The following ABCA13 variants were observed in gnomAD, a reference collection of about 807,000 sequenced individuals.
ABCA13 encodes ATP-binding cassette sub-family A member 13.
A neutral mutation model predicts 478.7 loss-of-function variants in ABCA13; 476 were observed. That is an observed-to-expected ratio of 0.99 (90% CI 0.92 to 1.07). The LOEUF is 1.07. ABCA13 is among the 50% of genes least tolerant of loss of function. The pLI, the probability that ABCA13 is intolerant of heterozygous loss-of-function variation, is 0.00. For missense variants in ABCA13, 6,060 were observed against 5,910.6 expected, an observed-to-expected ratio of 1.03 and a Z score of -0.83; for synonymous variants, 2,252 against 2,158.9, an observed-to-expected ratio of 1.04 and a Z score of -1.20.
intron 59 of ABCA13, among the ~76,000 whole-genome samples, chr7:48,624,099 T>G (rs981369726): frequency 8.7e-5 from 13 of 149,672 alleles, no homozygotes; most frequent in African/African-American, 2.7e-4. Flanking sequence ...TGTGTGTGTG[T>G]GGCTCAGTTA....
chr7:48,266,537 T>A (rs945607133), intron 15 of ABCA13, among the ~76,000 whole-genome samples: 2 of 151,832 alleles, frequency 1.3e-5, no homozygotes, highest in South Asian at 2.1e-4. Flanking sequence ...TTGTATAGAA[T>A]CAGTGGTAAT....
intron 59 of ABCA13, among the ~76,000 whole-genome samples, chr7:48,622,326 C>T (rs1275649315): frequency 6.6e-6 from 1 of 152,142 alleles, no homozygotes; most frequent in Non-Finnish European, 1.5e-5. Flanking sequence ...CTAGCCTGGA[C>T]CCAGTTTACA....
intron 42 of ABCA13, among the ~76,000 whole-genome samples, chr7:48,442,504 T>C (rs1431218392): frequency 1.3e-5 from 2 of 152,190 alleles, no homozygotes; most frequent in Non-Finnish European, 2.9e-5. Flanking sequence ...ATAATTTTTA[T>C]TTTTTGAAAA....
chr7:48,235,527 T>G (rs12154357), intron 8 of ABCA13, among the ~76,000 whole-genome samples: 14,204 of 152,230 alleles, frequency 0.093, 771 homozygotes, highest in South Asian at 0.17. Context: ...TGTAGCAAGT[T>G]ACCCCCAACA....
At chr7:48,539,072 C>T (rs1833789813) in intron 55 of ABCA13, among the ~76,000 whole-genome samples, 1 of 152,150 alleles carries the variant, frequency 6.6e-6, no homozygotes, top group South Asian at 2.1e-4. Context: ...ATGATGTTCT[C>T]TTTCATCAAG....
In ABCA13 at chr7:48,279,705, G is replaced by A; in HGVS notation, c.8511G>A (p.Trp2837Ter). Reference sequence around the variant, plus strand: ...GACTTCTGTTTAACAACTCTGAATGGATAACTTCCACAAGAACTTTGTTTC... The same window carrying A: ...GACTTCTGTTTAACAACTCTGAATGAATAACTTCCACAAGAACTTTGTTTC... Reference protein sequence around the residue: ...RKGLLFNNSEWITSTRTLFQP... With the variant: ...RKGLLFNNSE Residue 2837 changes from tryptophan (W) to a stop codon, truncating the protein, a stop_gained, in exon 18 of 62, where the codon TGG becomes TGA. Coordinates refer to ENST00000435803, the MANE Select transcript of ABCA13 (RefSeq NM_152701.5). LOFTEE classifies it high-confidence loss of function. 2 of 1,613,554 alleles carry A rather than the reference G, an allele frequency of 1.2e-6. No individual in the cohort carries two copies. The highest frequency in any genetic ancestry group is 1.1e-5 in the South Asian group (1 of 90,994).
At position 48,279,307 on chromosome 7, in the gene ABCA13, C is replaced by A; in HGVS notation, c.8113C>A (p.Pro2705Thr). Residue 2705 changes from proline to threonine, a missense_variant, in exon 18 of 62, where the codon CCT (proline) becomes ACT (threonine). Pro to Thr is a conservative substitution (Grantham distance 38). Transcript: ENST00000435803. ...YPNPISTHSG[P>T]QDIKWEIIHE... ...TAATCCAATTTCCACTCATAGTGGC[C>A]CTCAAGATATAAAATGGGAAATAAT... 1 of 1,588,068 alleles carries A rather than the reference C, an allele frequency of 6.3e-7. No individual in the cohort carries two copies. Among genetic ancestry groups the A allele is most frequent in the Non-Finnish European group, 8.6e-7 (1 of 1,165,190 alleles).
At chr7:48,300,650 A>G (rs1800020427) in intron 23 of ABCA13, among the ~76,000 whole-genome samples, 1 of 152,218 alleles carries the variant, frequency 6.6e-6, no homozygotes, top group Non-Finnish European at 1.5e-5. Flanking sequence ...CAAATGCAGC[A>G]GATGCATGGA....
rs547171532 is a variant in ABCA13, at chr7:48,617,221, A to G, written c.14837+1844A>G. 2.0e-5 allele frequency among the ~76,000 whole-genome samples: 3 copies of G among 152,336 alleles called. No individual in the cohort carries two copies. In the East Asian group the frequency reaches 5.8e-4, roughly 29 times the overall value. ...GCATCCATACCTGGGAGTTAGCAAC[A>G]TCAGAACCCATTTCTCTGACGTGGA... On this transcript the variant is annotated intron_variant, in intron 59 of 61. Transcript: ENST00000435803.
chr7:48,451,628 C>T (rs1825047254), intron 42 of ABCA13, among the ~76,000 whole-genome samples: 5 of 152,004 alleles, frequency 3.3e-5, no homozygotes, highest in Admixed American at 2.6e-4. Flanking sequence ...TGCCCATTTT[C>T]TTTTGGAGTT....
At chr7:48,184,270 T>C (rs1796072134) in intron 1 of ABCA13, among the ~76,000 whole-genome samples, 1 of 152,228 alleles carries the variant, frequency 6.6e-6, no homozygotes, top group African/African-American at 2.4e-5. Flanking sequence ...TGTTCAATTC[T>C]ATCATTTCCT....
intron 61 of ABCA13, 140 bp downstream of exon 61, chr7:48,644,894 A>C: frequency 1.0e-6 from 1 of 959,128 alleles, no homozygotes; most frequent in East Asian, 2.7e-5. Flanking sequence ...AAATTATGAT[A>C]AGGATGGTGA....
chr7:48,336,440 T>C (rs1490192588), intron 28 of ABCA13, among the ~76,000 whole-genome samples: 1 of 152,172 alleles, frequency 6.6e-6, no homozygotes, highest in Admixed American at 6.5e-5. Context: ...TCAGTGGTGA[T>C]GCAAGTCTGA....
chr7:48,269,875 T>G (rs1199408717), intron 16 of ABCA13, among the ~76,000 whole-genome samples: 1 of 152,180 alleles, frequency 6.6e-6, no homozygotes, highest in African/African-American at 2.4e-5. Flanking sequence ...CTATGGAACT[T>G]CTTAAGCCCA....
At chr7:48,441,944 A>C (rs1009079431) in intron 42 of ABCA13, among the ~76,000 whole-genome samples, 1 of 152,246 alleles carries the variant, frequency 6.6e-6, no homozygotes, top group African/African-American at 2.4e-5. Flanking sequence ...AACCTACAAA[A>C]GAACTGTGTG....
intron 55 of ABCA13, among the ~76,000 whole-genome samples, chr7:48,559,792 T>C (rs73111405): frequency 2.0e-5 from 3 of 152,054 alleles, no homozygotes; most frequent in Non-Finnish European, 4.4e-5. Flanking sequence ...AGGCAGCGGG[T>C]TCCCTTCTGG....
intron 15 of ABCA13, among the ~76,000 whole-genome samples, chr7:48,252,883 C>G (rs192388877): frequency 6.6e-6 from 1 of 152,104 alleles, no homozygotes; most frequent in African/African-American, 2.4e-5. Context: ...TGTCTTGATA[C>G]GTTCTCTTGA....
intron 44 of ABCA13, among the ~76,000 whole-genome samples, chr7:48,470,707 T>C (rs562126143): frequency 4.2e-4 from 64 of 152,352 alleles, no homozygotes; most frequent in African/African-American, 1.4e-3. Flanking sequence ...ATTGGTGTTA[T>C]CATACTGGCT....
chr7:48,513,797 G>T (rs1357361455), intron 51 of ABCA13, among the ~76,000 whole-genome samples: 1 of 152,212 alleles, frequency 6.6e-6, no homozygotes, highest in Admixed American at 6.5e-5. Context: ...GACGGGAGCT[G>T]CTAATACGTT....
Sources: allele counts gnomAD v4.1 joint callset (sites outside exome capture counted in the v4.1 genomes callset), GRCh38; gene constraint gnomAD v4.1.1; transcripts MANE v1.5; gene names NCBI Gene and HGNC (gene_info 2026-07-23, HGNC 2026-07-21).